The following SERBP1 variants were observed in gnomAD, a reference collection of about 807,000 sequenced individuals.
SERBP1 encodes SERPINE1 mRNA-binding protein 1.
SERBP1 carries 6 observed loss-of-function variants against 50.2 expected under a neutral mutation model. The observed-to-expected ratio is 0.12, with a 90% confidence interval of 0.07 to 0.24. SERBP1 has a LOEUF of 0.24. Among genes scored for constraint, SERBP1 ranks in the 10% least tolerant of loss-of-function variants. SERBP1 has a pLI of 1.00. For synonymous variants in SERBP1, 168 were observed against 182.8 expected (o/e 0.92, Z 0.65); for missense variants, 346 against 524.9 (o/e 0.66, Z 3.33).
chr1:67,422,731 G>A (rs891645996), intron 5 of SERBP1, among the ~76,000 whole-genome samples: 14 of 151,966 alleles, frequency 9.2e-5, no homozygotes, highest in African/African-American at 2.7e-4. Context: ...AGGCCAAGGC[G>A]GATGCATCAC....
At position 67,408,463 on chromosome 1, in the gene SERBP1, G is replaced by C. The variant is rs1259182716; in HGVS notation, c.*4744C>G. On this transcript the variant is annotated 3_prime_UTR_variant, in exon 8 of 8. Transcript: ENST00000361219. ...GTAAATCATTTTCTAACTTGTGTGG[G>C]TAACTTTTTCCCTTCCATTTAGAAG... is the stretch of plus-strand genomic sequence containing the variant. The C allele has an allele frequency of 6.6e-6, 1 of 151,666 alleles. No individual in the cohort carries two copies. Among genetic ancestry groups the C allele is most frequent in the African/African-American group, 2.4e-5 (1 of 41,282 alleles). The allele number at this position is 151,666 out of a possible 1,614,324, so 9.4% of individuals were successfully genotyped here.
intron 6 of SERBP1, chr1:67,417,391 A>G (rs1300491316): frequency 6.6e-6 from 1 of 152,226 alleles, no homozygotes. Flanking sequence ...ATACTATGCC[A>G]TTTTATATAA....
intron 2 of SERBP1, 32 bp downstream of exon 2, chr1:67,426,103 A>C (rs1205368081): frequency 6.3e-7 from 1 of 1,586,186 alleles, no homozygotes; most frequent in East Asian, 2.3e-5. Flanking sequence ...TGTTAGACCA[A>C]GACCCTGGCT....
chr1:67,418,621 T>C lies in SERBP1; in HGVS notation c.951+1388A>G, dbSNP rs111450915. Among the ~76,000 whole-genome samples the C allele has an allele frequency of 5.7e-3, 865 of 152,092 alleles. 12 individuals are homozygous for C. The highest frequency in any genetic ancestry group is 0.02 in the African/African-American group (818 of 41,496). On this transcript the variant is annotated intron_variant, in intron 6 of 7. Transcript: ENST00000361219. Reference sequence around the variant, plus strand: ...TAAAAACACAAACATTATCCGGGCATGGTGGCGAGTGTCCGTAATCCCAGC... The same window carrying C: ...TAAAAACACAAACATTATCCGGGCACGGTGGCGAGTGTCCGTAATCCCAGC...
At position 67,430,200 on chromosome 1, in the gene SERBP1, G is replaced by C; in HGVS notation, c.101C>G (p.Ala34Gly). 5.6e-6 allele frequency: 9 copies of C among 1,610,314 alleles called. No homozygotes were observed. Among genetic ancestry groups the C allele is most frequent in the Non-Finnish European group, 7.6e-6 (9 of 1,179,516 alleles). The change falls in exon 1 of 8, where the codon GCA becomes GGA. Residue 34 changes from alanine (A) to glycine (G), a missense_variant. This residue lies in a region of SERBP1 where 257 missense variants were observed against 331.2 expected (regional missense o/e 0.78). Coordinates refer to ENST00000361219, the MANE Select transcript of SERBP1 (RefSeq NM_001018069.2). ...ESDPFEVLKAAENKKKEAGGG... is the reference protein window; with the variant it reads ...ESDPFEVLKAGENKKKEAGGG... ...GCCGGCTTCTTTTTTCTTGTTCTCT[G>C]CTGCCTTCAGCACCTCGAAGGGGTC...
Position 67,426,009 on chromosome 1 carries a change from G to A in SERBP1, c.464+126C>T, listed in dbSNP as rs1372909367. ...ACCTTGTAGTCCGAGCTACTCAAGA[G>A]GAGACTGAGATGAGAGGATCATTTG... On this transcript the variant is annotated intron_variant, in intron 2 of 7. Transcript: ENST00000361219. 2.1e-5 allele frequency: 16 copies of A among 774,034 alleles called. No homozygotes were observed. The South Asian group carries it at 2.5e-4, about 12-fold the overall frequency. 47.9% of individuals were successfully genotyped at this position (774,034 alleles called of 1,614,324 possible).
rs1666693041 is a variant in SERBP1, at chr1:67,408,119, C to A, written c.*5088G>T. 1 of 152,138 alleles carries A rather than the reference C, an allele frequency of 6.6e-6. No individual in the cohort carries two copies. The highest frequency in any genetic ancestry group is 1.5e-5 in the Non-Finnish European group (1 of 68,024). 9.4% of individuals were successfully genotyped at this position (152,138 alleles called of 1,614,324 possible). ...TACATAAAAATCCTTAATATTAGCC[C>A]TTCACTTTCCATGCTTCCACCCAGT... On this transcript the variant is annotated 3_prime_UTR_variant, in exon 8 of 8. Coordinates refer to ENST00000361219, the MANE Select transcript of SERBP1 (RefSeq NM_001018069.2).
At chr1:67,413,648 C>CAA (rs576070396) in intron 7 of SERBP1, among the ~76,000 whole-genome samples, 5,228 of 66,006 alleles carry the variant, frequency 0.079, 158 homozygotes, top group Middle Eastern at 0.13. Flanking sequence ...GACTCCATCT[C>CAA]AAAAAAAAAA....
chr1:67,430,065 T>C lies in SERBP1; in HGVS notation c.236A>G (p.Lys79Arg), dbSNP rs547926674. 2 of 1,613,726 alleles carry C rather than the reference T, an allele frequency of 1.2e-6. No homozygotes were observed. The highest frequency in any genetic ancestry group is 2.2e-5 in the East Asian group (1 of 44,878). ...QLRKESQKDR[K>R]NPLPPSVGVV... ...GCCAACGCTGGGGGGCAGCGGGTTC[T>C]TGCGGTCTTTCTGGGACTCCTTGCG... Residue 79 changes from lysine (K) to arginine (R), a missense_variant, in exon 1 of 8, where the codon AAG (lysine) becomes AGG (arginine). Around this residue, in one of 5 missense-constraint regions of SERBP1, gnomAD observed 257 missense variants for 331.2 expected, o/e 0.78. Transcript: ENST00000361219.
At chr1:67,421,195 T>G (rs1231820973) in intron 5 of SERBP1, among the ~76,000 whole-genome samples, 1 of 152,130 alleles carries the variant, frequency 6.6e-6, no homozygotes, top group East Asian at 1.9e-4. Flanking sequence ...CTTGGGATCT[T>G]GGGTACTGAG....
intron 1 of SERBP1, among the ~76,000 whole-genome samples, chr1:67,428,294 A>G (rs1667453774): frequency 6.6e-6 from 1 of 152,228 alleles, no homozygotes; most frequent in African/African-American, 2.4e-5. Flanking sequence ...AACTTCATGA[A>G]ATCATTCCCC....
At chr1:67,425,023 A>T in intron 3 of SERBP1, 46 bp from the exon 4 acceptor site, 4 of 1,601,604 alleles carry the variant, frequency 2.5e-6, no homozygotes, top group Non-Finnish European at 3.4e-6. Context: ...CTAGAAATTC[A>T]AAGTTTGTTT....
intron 4 of SERBP1, 34 bp from the exon 5 acceptor site, chr1:67,424,311 T>G: frequency 6.2e-7 from 1 of 1,607,688 alleles, no homozygotes; most frequent in African/African-American, 1.3e-5. Flanking sequence ...CTGAATGTAT[T>G]TGGGGGACTC....
rs1666784059 is a variant in SERBP1, at chr1:67,410,285, C to T, written c.*2922G>A. ...AACCTAGTATTTTCGAAATCCAATA[C>T]ACATTTAGGCTTTGTATGCAACTCC... On this transcript the variant is annotated 3_prime_UTR_variant, in exon 8 of 8. Coordinates refer to ENST00000361219, the MANE Select transcript of SERBP1 (RefSeq NM_001018069.2). 1 of 152,148 alleles carries T rather than the reference C, an allele frequency of 6.6e-6. No individual in the cohort carries two copies. Among genetic ancestry groups the T allele is most frequent in the South Asian group, 2.1e-4 (1 of 4,826 alleles). 9.4% of individuals were successfully genotyped at this position (152,148 alleles called of 1,614,324 possible).
intron 5 of SERBP1, among the ~76,000 whole-genome samples, chr1:67,422,244 C>G (rs1356982692): frequency 6.6e-6 from 1 of 151,876 alleles, no homozygotes; most frequent in Non-Finnish European, 1.5e-5. Context: ...TAAGGTGCGG[C>G]AGCTCACGCC....
intron 2 of SERBP1, among the ~76,000 whole-genome samples, chr1:67,425,607 T>C (rs1440584340): frequency 6.6e-6 from 1 of 152,256 alleles, no homozygotes; most frequent in African/African-American, 2.4e-5. Flanking sequence ...AACAGTATTT[T>C]CCTTTTAACT....
intron 5 of SERBP1, among the ~76,000 whole-genome samples, chr1:67,422,486 G>A (rs959054258): frequency 6.6e-6 from 1 of 151,296 alleles, no homozygotes; most frequent in Admixed American, 6.6e-5. Flanking sequence ...CTCCAGCACA[G>A]GCAACAAGAG....
Position 67,409,839 on chromosome 1 carries a change from T to A in SERBP1, c.*3368A>T, listed in dbSNP as rs1269506863. On this transcript the variant is annotated 3_prime_UTR_variant, in exon 8 of 8. Coordinates refer to ENST00000361219, the MANE Select transcript of SERBP1 (RefSeq NM_001018069.2). Reference sequence around the variant, plus strand: ...AATCATTTAATTACTATGGTCCAGTTCAAATATGTATCATTTTACTGCCTT... The same window carrying A: ...AATCATTTAATTACTATGGTCCAGTACAAATATGTATCATTTTACTGCCTT... 1 of 152,194 alleles carries A rather than the reference T, an allele frequency of 6.6e-6. No individual in the cohort carries two copies. Among genetic ancestry groups the A allele is most frequent in the African/African-American group, 2.4e-5 (1 of 41,454 alleles). 9.4% of individuals were successfully genotyped at this position (152,194 alleles called of 1,614,324 possible).
chr1:67,429,085 C>T (rs1259261637), intron 1 of SERBP1, among the ~76,000 whole-genome samples: 2 of 152,096 alleles, frequency 1.3e-5, no homozygotes, highest in Admixed American at 1.3e-4. Context: ...GCCAGTGAAA[C>T]TCTGACCATG....
Sources: allele counts gnomAD v4.1 joint callset (sites outside exome capture counted in the v4.1 genomes callset), GRCh38; gene constraint gnomAD v4.1.1; regional missense constraint gnomAD v4.1.1; transcripts MANE v1.5; gene names NCBI Gene and HGNC (gene_info 2026-07-23, HGNC 2026-07-21).